Variants in XKR6 observed in about 807,000 individuals in gnomAD.
The protein encoded by XKR6 is XK-related protein 6.
A neutral mutation model predicts 56.7 loss-of-function variants in XKR6; 22 were observed. The ratio of observed to expected loss-of-function variants is 0.39; its 90% confidence interval spans 0.28 to 0.55. The LOEUF (loss-of-function observed/expected upper bound fraction) is 0.55. XKR6 is among the 20% of genes least tolerant of loss of function. The pLI, the probability that XKR6 is intolerant of heterozygous loss-of-function variation, is 0.66. For synonymous variants in XKR6, 524 were observed against 387.8 expected (o/e 1.35, Z -4.13); for missense variants, 852 against 889.0 (o/e 0.96, Z 0.53).
At chr8:11,002,994 A>G (rs972777104) in intron 1 of XKR6, among the ~76,000 whole-genome samples, 1 of 151,588 alleles carries the variant, frequency 6.6e-6, no homozygotes, top group African/African-American at 2.4e-5. Context: ...GGCTAAGGGG[A>G]CCACTGAAAA....
In XKR6 at chr8:10,932,262, T is replaced by C. The variant is rs554413658; in HGVS notation, c.765-7432A>G. 5.3e-5 allele frequency among the ~76,000 whole-genome samples: 8 copies of C among 152,340 alleles called. No homozygotes were observed. The East Asian group carries it at 1.5e-3, about 29-fold the overall frequency. The stretch of plus-strand genomic sequence containing the variant: ...GAATGCTCATATATTGCAGTGGGAA[T>C]GCAAATGCTTCTGACACTCTGGAAA... On this transcript the variant is annotated intron_variant, in intron 1 of 2. Transcript: ENST00000416569.
intron 1 of XKR6, among the ~76,000 whole-genome samples, chr8:11,149,237 A>T (rs1050333130): frequency 6.6e-6 from 1 of 152,206 alleles, no homozygotes; most frequent in Non-Finnish European, 1.5e-5. Context: ...TGCCTACGAC[A>T]CACCTCGACT....
At chr8:11,003,704 G>C (rs1798298334) in intron 1 of XKR6, among the ~76,000 whole-genome samples, 1 of 152,218 alleles carries the variant, frequency 6.6e-6, no homozygotes, top group South Asian at 2.1e-4. Context: ...TTCTGGAGCA[G>C]GTCTTTTGGA....
chr8:11,186,082 G>A (rs921602183), intron 1 of XKR6, among the ~76,000 whole-genome samples: 6 of 152,054 alleles, frequency 3.9e-5, no homozygotes, highest in African/African-American at 1.2e-4. Flanking sequence ...GCCAAGTCCC[G>A]AATCAAAACA....
intron 1 of XKR6, among the ~76,000 whole-genome samples, chr8:10,983,377 G>A (rs1797779300): frequency 6.6e-6 from 1 of 152,192 alleles, no homozygotes; most frequent in East Asian, 1.9e-4. Context: ...AGCCTGCAAG[G>A]CCTATTTGCT....
intron 1 of XKR6, among the ~76,000 whole-genome samples, chr8:11,082,868 A>G (rs1234503162): frequency 1.3e-5 from 2 of 152,250 alleles, no homozygotes; most frequent in African/African-American, 4.8e-5. Flanking sequence ...CAAGAGCAGG[A>G]AAGTGGAGTC....
At position 11,199,723 on chromosome 8, in the gene XKR6, G is replaced by A. The variant is rs1394135850; in HGVS notation, c.764+853C>T. On this transcript the variant is annotated intron_variant, in intron 1 of 2. Transcript: ENST00000416569. ...AAGAACACCTGCAAGTGGTTTGTGA[G>A]GGACTGAACTGGGACACGGGAAATT... is the stretch of plus-strand genomic sequence containing the variant. Among the ~76,000 whole-genome samples the A allele has an allele frequency of 3.3e-5, 5 of 152,208 alleles. No homozygotes were observed. The East Asian group carries it at 9.6e-4, about 29-fold the overall frequency.
At chr8:11,128,963 C>G (rs527753267) in intron 1 of XKR6, 80 of 456,456 alleles carry the variant, frequency 1.8e-4, no homozygotes, top group African/African-American at 1.6e-3. Flanking sequence ...GTCTTTTTTT[C>G]AAAAGAATTA....
Position 11,200,860 on chromosome 8 carries a change from G to A in XKR6, c.480C>T (p.Val160=). 6.8e-6 allele frequency: 11 copies of A among 1,611,960 alleles called. No individual in the cohort carries two copies. Among genetic ancestry groups the A allele is most frequent in the Non-Finnish European group, 8.5e-6 (10 of 1,179,518 alleles). ...CGAAGAAGAGGGTCAGCCCGAAGTA[G>A]ACGTAGTCCCCCTTGCGGTAGTAGT... The part of the protein sequence containing the change: ...ALDYYRKGDY[V]YFGLTLFFVL... Residue 160 remains valine (V), a synonymous_variant, in exon 1 of 3, where the codon GTC becomes GTT. Coordinates refer to ENST00000416569, the MANE Select transcript of XKR6 (RefSeq NM_173683.4). The surrounding 1 kb of genome is among the most constrained non-coding windows in gnomAD (Gnocchi z 6.4).
At chr8:10,974,897 C>T (rs1028985867) in intron 1 of XKR6, among the ~76,000 whole-genome samples, 6 of 152,238 alleles carry the variant, frequency 3.9e-5, no homozygotes, top group African/African-American at 1.4e-4. Context: ...GATGATGATG[C>T]TTGCATGACA....
chr8:11,113,134 A>G (rs1359557510), intron 1 of XKR6, among the ~76,000 whole-genome samples: 7 of 152,230 alleles, frequency 4.6e-5, no homozygotes, highest in African/African-American at 1.2e-4. Context: ...TAGGCTAAAC[A>G]TAAGTAAATC....
intron 1 of XKR6, among the ~76,000 whole-genome samples, chr8:10,939,195 A>T (rs533539833): frequency 6.6e-6 from 1 of 152,318 alleles, no homozygotes; most frequent in African/African-American, 2.4e-5. Flanking sequence ...TCCGCTCCCC[A>T]GTAAACAGCT....
intron 1 of XKR6, among the ~76,000 whole-genome samples, chr8:10,979,798 G>A (rs1306543840): frequency 6.6e-6 from 1 of 152,196 alleles, no homozygotes; most frequent in Non-Finnish European, 1.5e-5. Context: ...ACCCTGTGCT[G>A]CGGGGAGGGG....
chr8:11,132,965 T>C (rs371616122), intron 1 of XKR6, among the ~76,000 whole-genome samples: 1 of 151,982 alleles, frequency 6.6e-6, no homozygotes, highest in South Asian at 2.1e-4. Flanking sequence ...AAAGAAGAGT[T>C]AAAAATAAAT....
intron 1 of XKR6, among the ~76,000 whole-genome samples, chr8:11,187,712 A>G (rs1015974285): frequency 6.6e-6 from 1 of 152,168 alleles, no homozygotes; most frequent in Non-Finnish European, 1.5e-5. Flanking sequence ...TGGTTTAGTC[A>G]CCTCAGTATC....
intron 1 of XKR6, among the ~76,000 whole-genome samples, chr8:11,128,070 C>G (rs1339214161): frequency 6.6e-6 from 1 of 152,186 alleles, no homozygotes; most frequent in Admixed American, 6.5e-5. Context: ...CCATCAAAAT[C>G]TTTACGGCTT....
chr8:11,163,813 T>C (rs375636404), intron 1 of XKR6, among the ~76,000 whole-genome samples: 1 of 152,028 alleles, frequency 6.6e-6, no homozygotes, highest in Non-Finnish European at 1.5e-5. Context: ...GAGAGTAGAG[T>C]AGCTTGTTCT....
chr8:11,093,201 G>A (rs1475409397), intron 1 of XKR6, among the ~76,000 whole-genome samples: 1 of 152,018 alleles, frequency 6.6e-6, no homozygotes, highest in Non-Finnish European at 1.5e-5. Context: ...GAACACAGGC[G>A]TGTGCCACCA....
At chr8:10,907,966 A>T (rs1363678036) in intron 2 of XKR6, among the ~76,000 whole-genome samples, 4 of 152,202 alleles carry the variant, frequency 2.6e-5, no homozygotes, top group Non-Finnish European at 5.9e-5. Flanking sequence ...TCCACACTAC[A>T]GCAGCCAACA....
Sources: gnomAD v4.1 joint callset for allele counts (sites outside exome capture counted in the v4.1 genomes callset) on GRCh38, gnomAD v4.1.1 for gene constraint, Gnocchi (gnomAD v3.1) non-coding constraint, MANE v1.5 for transcripts, NCBI Gene and HGNC (gene_info 2026-07-23, HGNC 2026-07-21) for gene names.